INPP1: variants seen among roughly 807,000 people sequenced by gnomAD.
INPP1 encodes the protein inositol polyphosphate-1-phosphatase.
A neutral mutation model predicts 23.0 loss-of-function variants in INPP1; 18 were observed. The ratio of observed to expected loss-of-function variants is 0.78; its 90% CI spans 0.54 to 1.16. The LOEUF is 1.16. Ranked by LOEUF, INPP1 falls within the 50% of genes most tolerant of loss-of-function variation. INPP1 has a pLI of 0.00. For missense variants in INPP1, 448 were observed against 482.1 expected (o/e 0.93, Z 0.66); for synonymous variants, 164 against 176.3 (o/e 0.93, Z 0.55).
rs757499940 is a variant in INPP1, at chr2:190,363,353, C to T, written c.265+666C>T. On this transcript the variant is annotated intron_variant, in intron 4 of 6. Transcript: ENST00000392329. The surrounding 1 kb of genome is among the most constrained non-coding windows in gnomAD (Gnocchi z 4.4). ...ATTCAAGCCATTCTCCTGCCTCATC[C>T]TCCTGAGTGGCTGGGATTACAAGCA... Among the ~76,000 whole-genome samples the T allele has an allele frequency of 9.9e-5, 15 of 152,180 alleles. No individual in the cohort carries two copies. Among genetic ancestry groups the T allele is most frequent in the Non-Finnish European group, 1.6e-4 (11 of 68,026 alleles).
chr2:190,364,185 G>T (rs1689590014), intron 4 of INPP1, among the ~76,000 whole-genome samples: 1 of 152,182 alleles, frequency 6.6e-6, no homozygotes. Flanking sequence ...CACTGTAATA[G>T]ATGTATATTG....
intron 1 of INPP1, among the ~76,000 whole-genome samples, chr2:190,348,622 C>T (rs773791113): frequency 7.2e-5 from 11 of 152,166 alleles, no homozygotes; most frequent in Non-Finnish European, 1.6e-4. Flanking sequence ...GTACCTCATA[C>T]AAGTGGAATC....
intron 6 of INPP1, among the ~76,000 whole-genome samples, 171 bp downstream of exon 6, chr2:190,369,448 G>A (rs1007191709): frequency 3.9e-5 from 6 of 152,188 alleles, no homozygotes; most frequent in East Asian, 1.9e-4. Context: ...TTGGATTTGC[G>A]TAATTTTATT....
At position 190,348,966 on chromosome 2, in the gene INPP1, T is replaced by A. The variant is rs1025636209; in HGVS notation, c.-130T>A. ...GAGCCTAAGAACCAGCTCTCCTGTA[T>A]CCCAAGCAAGGCTCTTTCTACCGCA... On this transcript the variant is annotated 5_prime_UTR_variant, in exon 2 of 7. Coordinates refer to ENST00000392329, the MANE Select transcript of INPP1 (RefSeq NM_001128928.2). 1 of 152,238 alleles carries A rather than the reference T, an allele frequency of 6.6e-6. No homozygotes were observed. Among genetic ancestry groups the A allele is most frequent in the Non-Finnish European group, 1.5e-5 (1 of 68,090 alleles). 9.4% of individuals were successfully genotyped at this position (152,238 alleles called of 1,614,324 possible). A position where few individuals can be genotyped will look rare whatever the true frequency, so the allele number is the denominator to read the frequency against.
At position 190,354,330 on chromosome 2, in the gene INPP1, G is replaced by C. The variant is rs1220739719; in HGVS notation, c.-65+5299G>C. Among the ~76,000 whole-genome samples the C allele has an allele frequency of 1.3e-5, 2 of 152,222 alleles. No individual in the cohort carries two copies. Among genetic ancestry groups the C allele is most frequent in the Non-Finnish European group, 2.9e-5 (2 of 68,040 alleles). On this transcript the variant is annotated intron_variant, in intron 2 of 6. Transcript: ENST00000392329. The surrounding 1 kb of genome is among the most constrained non-coding windows in gnomAD (Gnocchi z 4.8). ...GTCAGCTAATAGATTGGGTCGCTAA[G>C]GTAACCACGGCCTGTCTTTCAGGAG...
chr2:190,364,578 T>G (rs1299728461), intron 4 of INPP1, among the ~76,000 whole-genome samples: 5 of 136,552 alleles, frequency 3.7e-5, no homozygotes, highest in Non-Finnish European at 7.7e-5. Context: ...TGGGGTGGCA[T>G]CTGAGGTTCT....
intron 3 of INPP1, 29 bp downstream of exon 3, chr2:190,360,335 C>CA: frequency 6.3e-7 from 1 of 1,596,518 alleles, no homozygotes; most frequent in Non-Finnish European, 8.6e-7. Flanking sequence ...AAGGTAACTG[C>CA]AAAATAGTTG....
Position 190,371,468 on chromosome 2 carries a change from T to C in INPP1, c.*66T>C. 7.8e-7 allele frequency: 1 copy of C among 1,287,910 alleles called. No homozygotes were observed. 79.8% of individuals were successfully genotyped at this position (1,287,910 alleles called of 1,614,324 possible). A position where few individuals can be genotyped will look rare whatever the true frequency, so the allele number is the denominator to read the frequency against. On this transcript the variant is annotated 3_prime_UTR_variant, in exon 7 of 7. Coordinates refer to ENST00000392329, the MANE Select transcript of INPP1 (RefSeq NM_001128928.2). This position sits in a 1 kb window ranked among gnomAD's most constrained non-coding sequence, Gnocchi z 5.3. The stretch of plus-strand genomic sequence containing the variant: ...GAAACTGTTTCGGTTATCTCTGTCT[T>C]TTGAGGATGGCTTTGTCCTGTTGCT...
At chr2:190,370,736 C>A in intron 6 of INPP1, 108 bp from the exon 7 acceptor site, 1 of 796,826 alleles carries the variant, frequency 1.3e-6, no homozygotes, top group Non-Finnish European at 2.0e-6. Context: ...TAAGATTCAC[C>A]ATGTTATGAT....
intron 6 of INPP1, among the ~76,000 whole-genome samples, chr2:190,369,578 T>C (rs1361169621): frequency 6.6e-6 from 1 of 152,206 alleles, no homozygotes; most frequent in South Asian, 2.1e-4. Context: ...CAAAACCAGA[T>C]AAGTAGAGTG....
chr2:190,366,434 ACTCTGTCTCACT>A (rs1689674615), intron 4 of INPP1, among the ~76,000 whole-genome samples: 1 of 96,162 alleles, frequency 1.0e-5, no homozygotes, highest in South Asian at 3.7e-4. Flanking sequence ...ACTCTGTCTC[ACTCTGTCTCACT>A]CTCTCTGTCT....
At chr2:190,359,805 T>C in intron 2 of INPP1, 1 of 315,418 alleles carries the variant, frequency 3.2e-6, no homozygotes, top group Non-Finnish European at 6.1e-6. Context: ...TCACTGAGAA[T>C]TTAATTCTTG....
intron 6 of INPP1, 63 bp downstream of exon 6, chr2:190,369,340 T>C: frequency 1.1e-6 from 1 of 873,220 alleles, no homozygotes; most frequent in African/African-American, 1.7e-5. Context: ...GCTTTGCTTG[T>C]TGTTAGGATT....
At chr2:190,361,279 A>AT (rs1689529402) in intron 3 of INPP1, among the ~76,000 whole-genome samples, 2 of 152,216 alleles carry the variant, frequency 1.3e-5, no homozygotes, top group Non-Finnish European at 2.9e-5. Context: ...TGATAATCTA[A>AT]CCATTACATT....
At chr2:190,353,088 C>A (rs1435312559) in intron 2 of INPP1, among the ~76,000 whole-genome samples, 2 of 152,176 alleles carry the variant, frequency 1.3e-5, no homozygotes, top group Non-Finnish European at 2.9e-5. Flanking sequence ...GATTAGAGAG[C>A]AGTTCTGTTT....
chr2:190,350,019 A>G (rs1236516713), intron 2 of INPP1, among the ~76,000 whole-genome samples: 1 of 152,066 alleles, frequency 6.6e-6, no homozygotes, highest in East Asian at 1.9e-4. Context: ...TAATTTTTGT[A>G]TTTTTAGTAG....
rs1254691072 is a variant in INPP1, at chr2:190,367,352, G to C, written c.466+457G>C. 6.6e-6 allele frequency among the ~76,000 whole-genome samples: 1 copy of C among 152,112 alleles called. No individual in the cohort carries two copies. On this transcript the variant is annotated intron_variant, in intron 5 of 6. Transcript: ENST00000392329. This position sits in a 1 kb window ranked among gnomAD's most constrained non-coding sequence, Gnocchi z 4.1. ...TTTTTAAAGAGAAACCAAAATCCAA[G>C]GTTTTCAGCGATATATCCCAATTTC...
chr2:190,359,373 C>G (rs1282054508), intron 2 of INPP1, among the ~76,000 whole-genome samples: 1 of 151,678 alleles, frequency 6.6e-6, no homozygotes, highest in East Asian at 1.9e-4. Flanking sequence ...CTGGATAACA[C>G]GGTGAAACCC....
chr2:190,344,779 A>T (rs1689183189), intron 1 of INPP1, among the ~76,000 whole-genome samples: 2 of 152,228 alleles, frequency 1.3e-5, no homozygotes, highest in African/African-American at 4.8e-5. Context: ...AGTGTTGAAT[A>T]AGCAGAAGTT....
Sources: allele counts gnomAD v4.1 joint callset (sites outside exome capture counted in the v4.1 genomes callset), GRCh38; gene constraint gnomAD v4.1.1; non-coding constraint Gnocchi (gnomAD v3.1); transcripts MANE v1.5; gene names NCBI Gene and HGNC (gene_info 2026-07-23, HGNC 2026-07-21).